The following TENM2 variants were observed in gnomAD, a reference collection of about 807,000 sequenced individuals.
The protein encoded by TENM2 is teneurin-2.
Under a neutral mutation model 245.2 loss-of-function variants are expected in TENM2, and 52 were observed. That is an observed-to-expected ratio of 0.21 (90% CI 0.17 to 0.27). TENM2 has a LOEUF of 0.27. Ranked by LOEUF, TENM2 falls within the 10% of genes least tolerant of loss-of-function variation. TENM2 has a pLI of 1.00. For missense variants in TENM2, 3,046 were observed against 3,666.8 expected, an observed-to-expected ratio of 0.83 and a Z score of 4.37; for synonymous variants, 1,363 against 1,438.9, an observed-to-expected ratio of 0.95 and a Z score of 1.19.
chr5:167,843,188 A>G (rs765593325), intron 2 of TENM2, among the ~76,000 whole-genome samples: 1 of 152,224 alleles, frequency 6.6e-6, no homozygotes, highest in Non-Finnish European at 1.5e-5. Context: ...CTGACAAATG[A>G]TGAAACACAA....
At chr5:167,447,817 G>A (rs1469464086) in intron 2 of TENM2, among the ~76,000 whole-genome samples, 1 of 152,194 alleles carries the variant, frequency 6.6e-6, no homozygotes, top group African/African-American at 2.4e-5. Flanking sequence ...TGGTGACAAT[G>A]CACTAATTTA....
chr5:167,346,762 C>T (rs767636370), intron 1 of TENM2, among the ~76,000 whole-genome samples: 2 of 152,042 alleles, frequency 1.3e-5, no homozygotes, highest in African/African-American at 4.8e-5. Context: ...TGCCAGTTCT[C>T]CAAGCCCCAA....
chr5:167,310,982 T>C (rs1307038797), intron 1 of TENM2, among the ~76,000 whole-genome samples: 1 of 152,240 alleles, frequency 6.6e-6, no homozygotes, highest in Non-Finnish European at 1.5e-5. Flanking sequence ...AATATTGTGT[T>C]ATTAATAATT....
chr5:167,459,011 T>A (rs1216374156), intron 2 of TENM2, among the ~76,000 whole-genome samples: 2 of 152,234 alleles, frequency 1.3e-5, no homozygotes, highest in Non-Finnish European at 2.9e-5. Context: ...ACATAAAATC[T>A]ACCATCTTAA....
chr5:167,971,836 A>G (rs1234837654), intron 4 of TENM2, among the ~76,000 whole-genome samples: 1 of 152,238 alleles, frequency 6.6e-6, no homozygotes, highest in East Asian at 1.9e-4. Flanking sequence ...AGTTAAGATC[A>G]CCTAGTATAG....
intron 25 of TENM2, among the ~76,000 whole-genome samples, chr5:168,242,972 C>G (rs6893420): frequency 0.35 from 52,239 of 150,698 alleles, 9,781 homozygotes; most frequent in Middle Eastern, 0.43. Context: ...AAAAAAAAAA[C>G]TTATTATTAC....
intron 2 of TENM2, among the ~76,000 whole-genome samples, chr5:167,521,955 G>T (rs1770783209): frequency 6.6e-6 from 1 of 152,072 alleles, no homozygotes; most frequent in African/African-American, 2.4e-5. Context: ...TTTGAGTGCT[G>T]AACTCTATAT....
chr5:168,253,808 T>A (rs1767388061), intron 27 of TENM2, among the ~76,000 whole-genome samples: 1 of 152,174 alleles, frequency 6.6e-6, no homozygotes, highest in South Asian at 2.1e-4. Context: ...TTTGTATTAT[T>A]TTCTGAGGTA....
In TENM2 at chr5:168,155,992, C is replaced by T. The variant is rs183262022; in HGVS notation, c.2423-6619C>T. 2.1e-3 allele frequency among the ~76,000 whole-genome samples: 317 copies of T among 150,112 alleles called. 6 individuals carry two copies. The highest frequency in any genetic ancestry group is 5.9e-4 in the Non-Finnish European group (40 of 67,700). On this transcript the variant is annotated intron_variant, in intron 12 of 28. Coordinates refer to ENST00000518659, the Ensembl canonical transcript of TENM2. ...GCACATATTTCTTGAATGTCTGTTA[C>T]GTGCCAACCGTTCTTCTAGACCCTG...
chr5:167,147,960 T>A, the TENM2 span, among the ~76,000 whole-genome samples: 6 of 152,150 alleles, frequency 3.9e-5, no homozygotes, highest in Non-Finnish European at 8.8e-5. Context: ...TCTTTAAGGT[T>A]TCCATGCAGA....
At chr5:167,168,365 C>G in the TENM2 span, 1 of 152,226 alleles carries the variant, frequency 6.6e-6, no homozygotes, top group East Asian at 1.9e-4. Flanking sequence ...TATTCACCAG[C>G]TGTCTCAGCA....
intron 2 of TENM2, among the ~76,000 whole-genome samples, chr5:167,784,789 A>G (rs1237601676): frequency 1.3e-5 from 2 of 152,266 alleles, no homozygotes; most frequent in African/African-American, 4.8e-5. Context: ...AAGATATATC[A>G]AAATGTGTAC....
At chr5:167,751,523 G>A (rs1360721757) in intron 2 of TENM2, among the ~76,000 whole-genome samples, 1 of 152,130 alleles carries the variant, frequency 6.6e-6, no homozygotes, top group Non-Finnish European at 1.5e-5. Context: ...TGAGAATTAA[G>A]CAAGATAAAG....
At chr5:167,553,782 AAG>A (rs1461198162) in intron 2 of TENM2, among the ~76,000 whole-genome samples, 2 of 152,166 alleles carry the variant, frequency 1.3e-5, no homozygotes, top group Non-Finnish European at 2.9e-5. Context: ...GTAGAGGGGA[AAG>A]AGGGGTTGAC....
chr5:167,228,754 G>C, the TENM2 span, among the ~76,000 whole-genome samples: 1 of 151,636 alleles, frequency 6.6e-6, no homozygotes, highest in Non-Finnish European at 1.5e-5. Flanking sequence ...GCCCAGGCTG[G>C]AGTTCAGTGG....
chr5:167,455,433 C>A lies in TENM2; in HGVS notation c.502+79960C>A, dbSNP rs143181739. ...TAGGAGTCATTGGCCTGGATTATCC[C>A]CTTGTTGTTGATGTATGTGTAGTTT... On this transcript the variant is annotated intron_variant, in intron 2 of 28. Transcript: ENST00000518659. Among the ~76,000 whole-genome samples the A allele has an allele frequency of 2.0e-3, 277 of 140,558 alleles. 4 individuals are homozygous for A. The highest frequency in any genetic ancestry group is 3.0e-4 in the Non-Finnish European group (20 of 66,280). 92.2% of individuals were successfully genotyped at this position (140,558 alleles called of 152,430 possible).
chr5:168,023,893 G>A (rs548068629), intron 5 of TENM2, among the ~76,000 whole-genome samples: 19 of 152,264 alleles, frequency 1.2e-4, no homozygotes, highest in Admixed American at 2.6e-4. Context: ...TTTCCTCTAA[G>A]TCTCAAGCAG....
At chr5:167,930,515 C>T (rs995727176) in intron 3 of TENM2, among the ~76,000 whole-genome samples, 5 of 151,844 alleles carry the variant, frequency 3.3e-5, no homozygotes, top group African/African-American at 1.2e-4. Flanking sequence ...CACCCTGTTG[C>T]ACAGGCTGGA....
At chr5:168,133,141 A>G (rs1358013151) in intron 12 of TENM2, among the ~76,000 whole-genome samples, 1 of 152,226 alleles carries the variant, frequency 6.6e-6, no homozygotes, top group East Asian at 1.9e-4. Flanking sequence ...ATGATACACA[A>G]ACTTGAGATG....
Sources: gnomAD v4.1 joint callset for allele counts (sites outside exome capture counted in the v4.1 genomes callset) on GRCh38, gnomAD v4.1.1 for gene constraint, MANE v1.5 for transcripts, NCBI Gene and HGNC (gene_info 2026-07-23, HGNC 2026-07-21) for gene names.